Variants in SV2C observed in about 807,000 individuals in gnomAD.
The protein encoded by SV2C is solute carrier family 22 member B3.
A neutral mutation model predicts 79.7 loss-of-function variants in SV2C; 49 were observed. The ratio of observed to expected loss-of-function variants is 0.61; its 90% CI spans 0.49 to 0.78. The LOEUF (loss-of-function observed/expected upper bound fraction) is 0.78, where lower values mean the gene tolerates loss of function less well. Among genes scored for constraint, SV2C ranks in the 30% least tolerant of loss-of-function variants. The pLI is 0.00. For synonymous variants in SV2C, 334 were observed against 333.2 expected, an observed-to-expected ratio of 1.00 and a Z score of -0.03; for missense variants, 833 against 912.9, an observed-to-expected ratio of 0.91 and a Z score of 1.13.
the SV2C span, among the ~76,000 whole-genome samples, chr5:75,954,620 G>C: frequency 0.42 from 59,575 of 142,080 alleles, 12,577 homozygotes; most frequent in Middle Eastern, 0.51. Context: ...GTTTGCAGAT[G>C]ACATGATTGT....
At chr5:76,203,054 A>G (rs961320876) in intron 3 of SV2C, among the ~76,000 whole-genome samples, 2 of 152,232 alleles carry the variant, frequency 1.3e-5, no homozygotes, top group African/African-American at 2.4e-5. Flanking sequence ...ACTTTCCAAC[A>G]AAAAGGCTGA....
At chr5:75,892,088 C>T in the SV2C span, among the ~76,000 whole-genome samples, 1 of 152,046 alleles carries the variant, frequency 6.6e-6, no homozygotes, top group East Asian at 1.9e-4. Context: ...GGTAATCTCT[C>T]ATTCAAATTC....
chr5:76,012,341 G>A, the SV2C span, among the ~76,000 whole-genome samples: 1 of 152,236 alleles, frequency 6.6e-6, no homozygotes, highest in South Asian at 2.1e-4. Context: ...GTTTTGATTT[G>A]CATTTCGCTA....
chr5:75,975,120 C>T, the SV2C span, among the ~76,000 whole-genome samples: 1 of 152,146 alleles, frequency 6.6e-6, no homozygotes, highest in Non-Finnish European at 1.5e-5. Flanking sequence ...CTGACCTTGA[C>T]ATAGTACCAC....
the SV2C span, chr5:75,910,296 T>C: frequency 2.3e-5 from 12 of 521,030 alleles, no homozygotes; most frequent in Non-Finnish European, 4.2e-5. Context: ...TCCATGGTCC[T>C]CACACCCTGG....
At chr5:76,173,171 T>C (rs1053099211) in intron 2 of SV2C, among the ~76,000 whole-genome samples, 2 of 149,438 alleles carry the variant, frequency 1.3e-5, no homozygotes, top group Non-Finnish European at 3.0e-5. Context: ...TACAATAAGC[T>C]ACAAGTATCA....
chr5:76,284,408 G>A (rs1304294700), intron 4 of SV2C, among the ~76,000 whole-genome samples: 1 of 152,204 alleles, frequency 6.6e-6, no homozygotes, highest in Non-Finnish European at 1.5e-5. Context: ...GTACTGGTCA[G>A]GGTGCCAGCA....
At chr5:76,174,162 C>T (rs550045019) in intron 2 of SV2C, 13 of 1,612,630 alleles carry the variant, frequency 8.1e-6, no homozygotes, top group Middle Eastern at 1.7e-4. Flanking sequence ...GAGCCAAGAA[C>T]GACTAGCTTA....
At chr5:76,190,322 G>C (rs1462989855) in intron 2 of SV2C, among the ~76,000 whole-genome samples, 1 of 152,196 alleles carries the variant, frequency 6.6e-6, no homozygotes. Context: ...CCAAGGTCCA[G>C]GGTGGGAGAG....
intron 8 of SV2C, among the ~76,000 whole-genome samples, chr5:76,294,783 C>T (rs1214086338): frequency 2.0e-5 from 3 of 152,138 alleles, no homozygotes; most frequent in South Asian, 4.1e-4. Context: ...CATGACACAG[C>T]TGTTAGAATA....
chr5:76,251,045 A>T (rs573387213), intron 4 of SV2C, among the ~76,000 whole-genome samples: 1 of 152,270 alleles, frequency 6.6e-6, no homozygotes, highest in Admixed American at 6.5e-5. Context: ...CATCAGGAGC[A>T]TTTCCCACAT....
the SV2C span, among the ~76,000 whole-genome samples, chr5:76,038,405 C>A: frequency 6.6e-6 from 1 of 152,142 alleles, no homozygotes. Flanking sequence ...TGGCCAGAAT[C>A]CCAGGTTTCT....
chr5:76,069,622 T>G, the SV2C span, among the ~76,000 whole-genome samples: 7 of 152,318 alleles, frequency 4.6e-5, no homozygotes, highest in East Asian at 1.3e-3. Context: ...CACACAAGGA[T>G]GAAATGCAGA....
chr5:76,031,760 A>G, the SV2C span, among the ~76,000 whole-genome samples: 142 of 152,344 alleles, frequency 9.3e-4, no homozygotes, highest in African/African-American at 3.2e-3. Flanking sequence ...GCTTGAATTA[A>G]TTAGTTGACA....
the SV2C span, among the ~76,000 whole-genome samples, chr5:75,926,392 A>G: frequency 6.6e-6 from 1 of 152,240 alleles, no homozygotes; most frequent in Non-Finnish European, 1.5e-5. Context: ...TATTAAAAGA[A>G]CTAATGAGCT....
chr5:76,220,015 T>G (rs932063953), intron 4 of SV2C, among the ~76,000 whole-genome samples: 1 of 152,206 alleles, frequency 6.6e-6, no homozygotes, highest in African/African-American at 2.4e-5. Context: ...CTGGTGCTCA[T>G]GTGAAGAACT....
the SV2C span, among the ~76,000 whole-genome samples, chr5:75,919,200 A>G: frequency 1.3e-5 from 2 of 152,230 alleles, no homozygotes; most frequent in African/African-American, 4.8e-5. Flanking sequence ...CTGACTGGAT[A>G]GCATGATGAT....
At chr5:76,127,076 G>T (rs771931365) in intron 1 of SV2C, among the ~76,000 whole-genome samples, 3 of 152,220 alleles carry the variant, frequency 2.0e-5, no homozygotes, top group Non-Finnish European at 4.4e-5. Flanking sequence ...ATTGTTAGAA[G>T]AATGGACTCT....
chr5:75,859,216 A>G, the SV2C span, among the ~76,000 whole-genome samples: 1 of 152,364 alleles, frequency 6.6e-6, no homozygotes, highest in Non-Finnish European at 1.5e-5. Flanking sequence ...TAAGGATATA[A>G]GATTCACTTA....
Sources: gnomAD v4.1 joint callset for allele counts (sites outside exome capture counted in the v4.1 genomes callset) on GRCh38, gnomAD v4.1.1 for gene constraint, MANE v1.5 for transcripts, NCBI Gene and HGNC (gene_info 2026-07-23, HGNC 2026-07-21) for gene names.